The following MGST2 variants were observed in gnomAD, a reference collection of about 807,000 sequenced individuals.
The protein encoded by MGST2 is glutathione peroxidase MGST2.
A neutral mutation model predicts 16.6 loss-of-function variants in MGST2; 9 were observed. The ratio of observed to expected loss-of-function variants is 0.54; its 90% CI spans 0.33 to 0.95. The LOEUF is 0.95. Ranked by LOEUF, MGST2 falls within the 40% of genes least tolerant of loss-of-function variation. MGST2 has a pLI of 0.03. For missense variants in MGST2, 159 were observed against 175.1 expected (o/e 0.91, Z 0.52); for synonymous variants, 79 against 68.0 (o/e 1.16, Z -0.79).
intron 2 of MGST2, among the ~76,000 whole-genome samples, chr4:139,691,375 A>T (rs982977993): frequency 1.3e-5 from 2 of 152,264 alleles, no homozygotes; most frequent in African/African-American, 4.8e-5. Context: ...AACTGTAATT[A>T]GCCACTGACA....
rs573719098 is a variant in MGST2, at chr4:139,702,096, G to A, written c.230-1359G>A. ...CAACTTGCATCTGTGAGGTGCTGAGGAAGAGAGTGGGGCCCTAACATAGGG... is the reference window on the plus strand; with the variant it reads ...CAACTTGCATCTGTGAGGTGCTGAGAAAGAGAGTGGGGCCCTAACATAGGG... On this transcript the variant is annotated intron_variant, in intron 3 of 4. Coordinates refer to ENST00000265498, the MANE Select transcript of MGST2 (RefSeq NM_002413.5). Among the ~76,000 whole-genome samples the A allele has an allele frequency of 3.1e-4, 47 of 152,322 alleles. No homozygotes were observed. In the South Asian group the frequency reaches 6.2e-3, roughly 20 times the overall value.
chr4:139,700,922 C>G (rs1161338167), intron 3 of MGST2, among the ~76,000 whole-genome samples: 1 of 152,210 alleles, frequency 6.6e-6, no homozygotes, highest in African/African-American at 2.4e-5. Context: ...AATCCAGCTG[C>G]TTTCAAAGGC....
At chr4:139,694,423 G>A (rs1251092647) in intron 2 of MGST2, among the ~76,000 whole-genome samples, 1 of 151,924 alleles carries the variant, frequency 6.6e-6, no homozygotes, top group African/African-American at 2.4e-5. Flanking sequence ...TCTTTCTGGT[G>A]GTGAAATTGT....
chr4:139,696,356 A>G (rs1271825111), intron 3 of MGST2, among the ~76,000 whole-genome samples: 7 of 152,210 alleles, frequency 4.6e-5, no homozygotes, highest in Non-Finnish European at 1.0e-4. Flanking sequence ...TGTTACGTTT[A>G]GTTTCAGTGC....
chr4:139,672,530 C>T (rs191062879), intron 1 of MGST2, among the ~76,000 whole-genome samples: 10 of 151,982 alleles, frequency 6.6e-5, no homozygotes, highest in Non-Finnish European at 1.2e-4. Context: ...TCTGCTCTCT[C>T]AGGCTGCAGT....
chr4:139,683,648 A>C (rs1206779052), intron 2 of MGST2, among the ~76,000 whole-genome samples: 2 of 152,176 alleles, frequency 1.3e-5, no homozygotes, highest in South Asian at 2.1e-4. Context: ...TCATTGGCAC[A>C]GGAAGATGAT....
intron 2 of MGST2, among the ~76,000 whole-genome samples, chr4:139,684,300 A>T (rs1405465191): frequency 6.6e-6 from 1 of 152,134 alleles, no homozygotes; most frequent in Non-Finnish European, 1.5e-5. Context: ...CCATGATTCA[A>T]TTACCTCCCA....
intron 5 of MGST2, among the ~76,000 whole-genome samples, chr4:139,732,280 C>T (rs1728754633): frequency 6.6e-6 from 1 of 152,094 alleles, no homozygotes; most frequent in African/African-American, 2.4e-5. Flanking sequence ...CTAGAGAGAC[C>T]GTCCTGGATT....
At chr4:139,741,652 TG>T (rs1729167964), downstream of MGST2, among the ~76,000 whole-genome samples, 1 of 151,988 alleles carries the variant, frequency 6.6e-6, no homozygotes, top group Non-Finnish European at 1.5e-5. Context: ...GAGGCTGAGG[TG>T]GGAGGATCGC....
chr4:139,700,127 CTTTTTTTTTTTT>C (rs56662682), intron 3 of MGST2, among the ~76,000 whole-genome samples: 4 of 82,974 alleles, frequency 4.8e-5, no homozygotes, highest in South Asian at 9.4e-4. Flanking sequence ...TTTGGTTTTG[CTTTTTTTTTTTT>C]TTTTTTTTTT....
Position 139,678,660 on chromosome 4 carries a change from C to T in MGST2, c.158+18C>T, listed in dbSNP as rs1001729211. 1.3e-6 allele frequency: 2 copies of T among 1,567,872 alleles called. No individual in the cohort carries two copies. Among genetic ancestry groups the T allele is most frequent in the Non-Finnish European group, 1.8e-6 (2 of 1,138,098 alleles). ...CGGGCACAGTAAGTAATGCTTCTTC[C>T]ACCCTTCATGGATCTGTGCCTGCCA... On this transcript the variant is annotated intron_variant, in intron 2 of 4. Transcript: ENST00000265498.
At chr4:139,666,117 C>CGCGCGCGCGCGCGT in intron 1 of MGST2, 40 bp downstream of exon 1, 1 of 1,025,218 alleles carries the variant, frequency 9.8e-7, no homozygotes, top group Non-Finnish European at 1.3e-6. Context: ...CGCGTGTGTG[C>CGCGCGCGCGCGCGT]GTGTGTGTGT....
chr4:139,686,093 A>T (rs1267274118), intron 2 of MGST2, among the ~76,000 whole-genome samples: 1 of 152,192 alleles, frequency 6.6e-6, no homozygotes, highest in Non-Finnish European at 1.5e-5. Flanking sequence ...GAGATATGAA[A>T]CTTCAATCAA....
At chr4:139,677,677 A>G (rs1731035611) in intron 1 of MGST2, among the ~76,000 whole-genome samples, 1 of 151,880 alleles carries the variant, frequency 6.6e-6, no homozygotes, top group African/African-American at 2.4e-5. Flanking sequence ...AATTTTTTGT[A>G]TTTTTAGTAG....
At chr4:139,700,251 C>A (rs1727173799) in intron 3 of MGST2, among the ~76,000 whole-genome samples, 1 of 150,662 alleles carries the variant, frequency 6.6e-6, no homozygotes, top group Non-Finnish European at 1.5e-5. Context: ...CCTGCCTCAG[C>A]CTCCGGAGTA....
chr4:139,751,688 T>C, the MGST2 span, among the ~76,000 whole-genome samples: 1 of 152,018 alleles, frequency 6.6e-6, no homozygotes. Flanking sequence ...CACAGATGGG[T>C]GGGTTTGATG....
downstream of MGST2, chr4:139,704,261 G>A: frequency 7.6e-7 from 1 of 1,321,558 alleles, no homozygotes; most frequent in Non-Finnish European, 1.1e-6. Flanking sequence ...AAATGGCTTT[G>A]TAGAAACACA....
intron 5 of MGST2, among the ~76,000 whole-genome samples, chr4:139,710,550 C>A (rs1384201597): frequency 6.6e-6 from 1 of 152,144 alleles, no homozygotes; most frequent in East Asian, 1.9e-4. Context: ...TGCCCTCCCT[C>A]CACCCCGGAA....
the MGST2 span, among the ~76,000 whole-genome samples, chr4:139,746,403 G>C: frequency 1.3e-5 from 2 of 152,070 alleles, no homozygotes; most frequent in African/African-American, 2.4e-5. Flanking sequence ...CTTGGAGACT[G>C]AGTGTCTTCT....
Sources: gnomAD v4.1 joint callset for allele counts (sites outside exome capture counted in the v4.1 genomes callset) on GRCh38, gnomAD v4.1.1 for gene constraint, MANE v1.5 for transcripts, NCBI Gene and HGNC (gene_info 2026-07-23, HGNC 2026-07-21) for gene names.